PCDHGB2: variants seen among roughly 807,000 people sequenced by gnomAD.
PCDHGB2 encodes protocadherin gamma subfamily B, 2.
A neutral mutation model predicts 59.3 loss-of-function variants in PCDHGB2; 55 were observed. The observed-to-expected ratio is 0.93, with a 90% CI of 0.75 to 1.16. PCDHGB2 has a LOEUF of 1.16. Among genes scored for constraint, PCDHGB2 ranks in the 50% most tolerant of loss-of-function variants. PCDHGB2 has a pLI of 0.00. For missense variants in PCDHGB2, 1,228 were observed against 1,198.5 expected, an observed-to-expected ratio of 1.02 and a Z score of -0.36; for synonymous variants, 516 against 512.0, an observed-to-expected ratio of 1.01 and a Z score of -0.11.
At chr5:141,366,229 G>T in intron 1 of PCDHGB2, 1 of 1,613,808 alleles carries the variant, frequency 6.2e-7, no homozygotes, top group South Asian at 1.1e-5. Context: ...GAGCCCTGCT[G>T]GACAGAGACG....
chr5:141,376,309 C>G, intron 1 of PCDHGB2: 1 of 1,614,148 alleles, frequency 6.2e-7, no homozygotes, highest in Non-Finnish European at 8.5e-7. Flanking sequence ...ACTTTGTGGG[C>G]GTGGAAGGGG....
At chr5:141,458,854 T>G (rs2098955098) in intron 1 of PCDHGB2, among the ~76,000 whole-genome samples, 1 of 152,182 alleles carries the variant, frequency 6.6e-6, no homozygotes, top group South Asian at 2.1e-4. Flanking sequence ...CACCTCAGCC[T>G]TCCAAGTAGC....
At chr5:141,403,003 C>T in intron 1 of PCDHGB2, 3 of 1,613,970 alleles carry the variant, frequency 1.9e-6, no homozygotes, top group South Asian at 1.1e-5. Flanking sequence ...TCCTGCTATG[C>T]TCGCTCCTGG....
Position 141,489,391 on chromosome 5 carries a change from G to C in PCDHGB2, c.2422-5416G>C. 6.2e-7 allele frequency: 1 copy of C among 1,614,174 alleles called. No individual in the cohort carries two copies. The highest frequency in any genetic ancestry group is 8.5e-7 in the Non-Finnish European group (1 of 1,180,022). ...GACGCTGGTGGGGAATGTTGCTCAG[G>C]ATCTGGGCTTAAAGATGACAGATCT... On this transcript the variant is annotated intron_variant, in intron 1 of 3. Transcript: ENST00000522605. This position sits in a 1 kb window ranked among gnomAD's most constrained non-coding sequence, Gnocchi z 4.5.
chr5:141,465,800 C>T (rs1486100601), intron 1 of PCDHGB2, among the ~76,000 whole-genome samples: 1 of 151,524 alleles, frequency 6.6e-6, no homozygotes, highest in African/African-American at 2.4e-5. Flanking sequence ...TTTAAGAAAC[C>T]CTTCAGGATC....
Position 141,491,717 on chromosome 5 carries a change from C to A in PCDHGB2, c.2422-3090C>A. ...CGGAGCCAGGTGAGGGGCTCGGCGC[C>A]GCCCCGGGCGACCCCTGGGGGCGGC... On this transcript the variant is annotated intron_variant, in intron 1 of 3. Coordinates refer to ENST00000522605, the MANE Select transcript of PCDHGB2 (RefSeq NM_018923.3). The surrounding 1 kb of genome is among the most constrained non-coding windows in gnomAD (Gnocchi z 6.9). 1 of 1,607,940 alleles carries A rather than the reference C, an allele frequency of 6.2e-7. No individual in the cohort carries two copies. Among genetic ancestry groups the A allele is most frequent in the Middle Eastern group, 1.7e-4 (1 of 6,010 alleles).
rs773383689 is a variant in PCDHGB2, at chr5:141,383,358, G to T, written c.2421+20802G>T. 5 of 1,613,982 alleles carry T rather than the reference G, an allele frequency of 3.1e-6. No individual in the cohort carries two copies. The South Asian group carries it at 3.3e-5, about 11-fold the overall frequency. ...ATACAGCTCCTGGGGTTCGGTTTCC[G>T]TTAAGCGAGGCTGGGGATCCAGATG... On this transcript the variant is annotated intron_variant, in intron 1 of 3. Transcript: ENST00000522605.
chr5:141,477,845 GT>G lies in PCDHGB2; in HGVS notation c.2422-16961del, dbSNP rs1562065234. ...ATATCCTCGGCCAGGTGGGAGCTCG[GT>G]GGAGATGCTGCCTCGAGGTACCTCA... is the stretch of plus-strand genomic sequence containing the variant. On this transcript the variant is annotated intron_variant, in intron 1 of 3. Coordinates refer to ENST00000522605, the MANE Select transcript of PCDHGB2 (RefSeq NM_018923.3). This position sits in a 1 kb window ranked among gnomAD's most constrained non-coding sequence, Gnocchi z 4.9. 1 of 1,614,038 alleles carries G rather than the reference GT, an allele frequency of 6.2e-7. No homozygotes were observed. Among genetic ancestry groups the G allele is most frequent in the East Asian group, 2.2e-5 (1 of 44,896 alleles).
rs188827871 is a variant in PCDHGB2, at chr5:141,405,107, T to G, written c.2421+42551T>G. 137 of 1,613,998 alleles carry G rather than the reference T, an allele frequency of 8.5e-5. No homozygotes were observed. The Middle Eastern group carries it at 1.3e-3, about 16-fold the overall frequency. On this transcript the variant is annotated intron_variant, in intron 1 of 3. Coordinates refer to ENST00000522605, the MANE Select transcript of PCDHGB2 (RefSeq NM_018923.3). ...GCTGCTGGCCCTCAGGCTGAGGCAC[T>G]GGCACTCCTCGCATCTGCTGCGGGC...
chr5:141,475,914 A>C (rs2099380300), intron 1 of PCDHGB2: 1 of 592,260 alleles, frequency 1.7e-6, no homozygotes, highest in African/African-American at 1.9e-5. Context: ...GCCAATGAAG[A>C]CGCTGGAGAT....
chr5:141,392,658 C>T, intron 1 of PCDHGB2: 1 of 778,114 alleles, frequency 1.3e-6, no homozygotes, highest in Non-Finnish European at 1.9e-6. Context: ...CCGCAGATGC[C>T]ACAAACTAAC....
intron 1 of PCDHGB2, among the ~76,000 whole-genome samples, chr5:141,434,766 A>T (rs1383531828): frequency 1.3e-5 from 2 of 151,012 alleles, no homozygotes; most frequent in Non-Finnish European, 3.0e-5. Context: ...CCCACTTCAC[A>T]CTTCTAAAAA....
intron 1 of PCDHGB2, chr5:141,366,950 T>C: frequency 2.8e-6 from 2 of 712,110 alleles, no homozygotes; most frequent in Non-Finnish European, 4.3e-6. Context: ...CTGATATCTG[T>C]AGACTTAAGT....
chr5:141,366,360 G>T, intron 1 of PCDHGB2: 1 of 1,614,024 alleles, frequency 6.2e-7, no homozygotes. Context: ...GACCTAGGCA[G>T]TATCAAGACC....
chr5:141,413,756 A>G, intron 1 of PCDHGB2: 1 of 1,613,042 alleles, frequency 6.2e-7, no homozygotes, highest in South Asian at 1.1e-5. Context: ...AATGGCGTCA[A>G]GTACCCGGAG....
chr5:141,431,537 C>A lies in PCDHGB2; in HGVS notation c.2422-63270C>A, dbSNP rs2097391571. On this transcript the variant is annotated intron_variant, in intron 1 of 3. Transcript: ENST00000522605. This position sits in a 1 kb window ranked among gnomAD's most constrained non-coding sequence, Gnocchi z 4.8. ...TCCGGAGAATCTGGCCTTGGGCACG[C>A]AGCTGCTTGTAGTCAACGCTACCGA... 6.2e-7 allele frequency: 1 copy of A among 1,614,102 alleles called. No individual in the cohort carries two copies. The highest frequency in any genetic ancestry group is 1.3e-5 in the African/African-American group (1 of 75,072).
chr5:141,409,781 G>A lies in PCDHGB2; in HGVS notation c.2421+47225G>A, dbSNP rs753415525. On this transcript the variant is annotated intron_variant, in intron 1 of 3. Transcript: ENST00000522605. ...CGCCTTTGATCACGAGCAGCTGCGC[G>A]CCTTCGCGCTCACGCTGCAGGCCCG... is the stretch of plus-strand genomic sequence containing the variant. The A allele has an allele frequency of 8.7e-6, 14 of 1,612,178 alleles. No individual in the cohort carries two copies. The highest frequency in any genetic ancestry group is 6.7e-5 in the Admixed American group (4 of 59,882).
chr5:141,394,653 C>T lies in PCDHGB2; in HGVS notation c.2421+32097C>T, dbSNP rs545273127. On this transcript the variant is annotated intron_variant, in intron 1 of 3. Coordinates refer to ENST00000522605, the MANE Select transcript of PCDHGB2 (RefSeq NM_018923.3). ...CTACCGCCTGCTCAAGGCCAGCGAG[C>T]CGGGACTCTTCTCGGTGGGTCTGCA... The T allele has an allele frequency of 9.9e-6, 16 of 1,613,348 alleles. No homozygotes were observed. The East Asian group carries it at 3.1e-4, about 31-fold the overall frequency.
intron 2 of PCDHGB2, among the ~76,000 whole-genome samples, chr5:141,505,119 G>A (rs371973470): frequency 3.1e-4 from 47 of 152,210 alleles, no homozygotes; most frequent in African/African-American, 1.0e-3. Flanking sequence ...CCAAGATCGC[G>A]CCACTGCACT....
Sources: gnomAD v4.1 joint callset for allele counts (sites outside exome capture counted in the v4.1 genomes callset) on GRCh38, gnomAD v4.1.1 for gene constraint, Gnocchi (gnomAD v3.1) non-coding constraint, MANE v1.5 for transcripts, NCBI Gene and HGNC (gene_info 2026-07-23, HGNC 2026-07-21) for gene names.